Variants in RAI14 observed in about 807,000 individuals in gnomAD.
The protein encoded by RAI14 is retinoic acid induced 14.
RAI14 carries 45 observed loss-of-function variants against 115.4 expected under a neutral mutation model. That is an observed-to-expected ratio of 0.39 (90% CI 0.31 to 0.50). RAI14 has a LOEUF of 0.50. Ranked by LOEUF, RAI14 falls within the 20% of genes least tolerant of loss-of-function variation. The pLI is 0.85. For missense variants in RAI14, 939 were observed against 1,131.2 expected (o/e 0.83, Z 2.44); for synonymous variants, 371 against 415.4 (o/e 0.89, Z 1.30).
At chr5:34,672,390 G>T (rs148749379) in intron 1 of RAI14, among the ~76,000 whole-genome samples, 13 of 151,394 alleles carry the variant, frequency 8.6e-5, no homozygotes, top group African/African-American at 1.9e-4. Flanking sequence ...TGTGGGGTGT[G>T]GGGGGGGAGC....
In RAI14 at chr5:34,766,125, G is replaced by C. The variant is rs114981136; in HGVS notation, c.167+8527G>C. Among the ~76,000 whole-genome samples, 1,294 of 152,318 alleles carry C rather than the reference G, an allele frequency of 8.5e-3. 20 individuals carry two copies. The highest frequency in any genetic ancestry group is 0.03 in the African/African-American group (1,252 of 41,572). Reference sequence around the variant, plus strand: ...CAGGCAGAAGTTTGCTGCAGGGGTGGGGTGCACATGGAGAACCTCTGCTAG... The same window carrying C: ...CAGGCAGAAGTTTGCTGCAGGGGTGCGGTGCACATGGAGAACCTCTGCTAG... On this transcript the variant is annotated intron_variant, in intron 3 of 17. Transcript: ENST00000265109.
chr5:34,794,126 T>C (rs1432127861), intron 3 of RAI14, among the ~76,000 whole-genome samples: 3 of 152,166 alleles, frequency 2.0e-5, no homozygotes, highest in Non-Finnish European at 4.4e-5. Context: ...GAATTCCATT[T>C]AAACAAGTCA....
At chr5:34,660,673 T>G (rs1033391169) in intron 1 of RAI14, among the ~76,000 whole-genome samples, 10 of 152,140 alleles carry the variant, frequency 6.6e-5, no homozygotes, top group Non-Finnish European at 1.0e-4. Context: ...AATGTTGCTG[T>G]GTTAGTGACG....
At chr5:34,801,041 A>T (rs1383191166) in intron 4 of RAI14, among the ~76,000 whole-genome samples, 2 of 152,242 alleles carry the variant, frequency 1.3e-5, no homozygotes, top group Non-Finnish European at 2.9e-5. Context: ...TTAATGCATC[A>T]TGTAACTAAA....
intron 3 of RAI14, among the ~76,000 whole-genome samples, chr5:34,787,550 A>G (rs1236562119): frequency 6.6e-6 from 1 of 152,188 alleles, no homozygotes; most frequent in African/African-American, 2.4e-5. Flanking sequence ...AATCCATAGA[A>G]ACTGGAAGTA....
intron 3 of RAI14, among the ~76,000 whole-genome samples, chr5:34,795,113 T>C (rs1470653313): frequency 6.6e-6 from 1 of 152,216 alleles, no homozygotes; most frequent in East Asian, 1.9e-4. Flanking sequence ...GCTTTGCTTC[T>C]TTCTGCATGC....
At chr5:34,747,328 A>G (rs1048562625) in intron 2 of RAI14, among the ~76,000 whole-genome samples, 2 of 152,230 alleles carry the variant, frequency 1.3e-5, no homozygotes. Context: ...CGCACTGTAC[A>G]TTTTAATTTT....
chr5:34,808,272 T>TGTC (rs1755160207), intron 6 of RAI14, among the ~76,000 whole-genome samples: 1 of 152,252 alleles, frequency 6.6e-6, no homozygotes, highest in South Asian at 2.1e-4. Flanking sequence ...GACACTGAAC[T>TGTC]ATGAGTGATT....
chr5:34,679,513 G>T (rs562413512), intron 1 of RAI14, among the ~76,000 whole-genome samples: 4 of 151,322 alleles, frequency 2.6e-5, no homozygotes, highest in South Asian at 2.1e-4. Flanking sequence ...GTTGATTTGT[G>T]GGGGGAATCC....
intron 3 of RAI14, among the ~76,000 whole-genome samples, chr5:34,771,675 A>G (rs1750174605): frequency 6.6e-6 from 1 of 152,164 alleles, no homozygotes; most frequent in African/African-American, 2.4e-5. Context: ...GAAGGTTTGC[A>G]CAACTTGTTG....
At chr5:34,687,197 G>T (rs1013793834) in intron 2 of RAI14, among the ~76,000 whole-genome samples, 4 of 152,126 alleles carry the variant, frequency 2.6e-5, no homozygotes, top group Non-Finnish European at 4.4e-5. Flanking sequence ...TCTGTGCCTT[G>T]TAGAGAAAGG....
chr5:34,684,007 G>T (rs1277634964), intron 1 of RAI14, among the ~76,000 whole-genome samples: 2 of 152,178 alleles, frequency 1.3e-5, no homozygotes, highest in Non-Finnish European at 2.9e-5. Context: ...GATTACAGGC[G>T]TGAGCCACCG....
At chr5:34,752,727 G>GTATATATATA (rs1462269667) in intron 2 of RAI14, among the ~76,000 whole-genome samples, 3 of 86,720 alleles carry the variant, frequency 3.5e-5, no homozygotes, top group Admixed American at 1.1e-4. Context: ...GTGTGTGTGT[G>GTATATATATA]TGTGTGTGTG....
At chr5:34,717,591 C>T (rs1742153843) in intron 2 of RAI14, among the ~76,000 whole-genome samples, 1 of 151,976 alleles carries the variant, frequency 6.6e-6, no homozygotes, top group Non-Finnish European at 1.5e-5. Flanking sequence ...ACGTGTAGTC[C>T]CTGAGCAAGG....
At chr5:34,778,258 C>G (rs1751137019) in intron 3 of RAI14, among the ~76,000 whole-genome samples, 1 of 152,194 alleles carries the variant, frequency 6.6e-6, no homozygotes, top group African/African-American at 2.4e-5. Flanking sequence ...AGCTCGGGAT[C>G]TTGTAAATGC....
intron 2 of RAI14, among the ~76,000 whole-genome samples, chr5:34,742,955 C>G (rs1745709202): frequency 6.6e-6 from 1 of 152,208 alleles, no homozygotes; most frequent in Admixed American, 6.5e-5. Flanking sequence ...AGCCACTGTG[C>G]CCAGCCTGCT....
At chr5:34,795,234 GT>G (rs1206361497) in intron 3 of RAI14, among the ~76,000 whole-genome samples, 4 of 152,200 alleles carry the variant, frequency 2.6e-5, no homozygotes, top group Non-Finnish European at 5.9e-5. Flanking sequence ...GTGCTCCCAA[GT>G]TTCACTGAGT....
At chr5:34,813,716 T>C (rs1042649922) in intron 11 of RAI14, 56 bp downstream of exon 11, 4 of 1,432,128 alleles carry the variant, frequency 2.8e-6, no homozygotes, top group Non-Finnish European at 3.9e-6. Context: ...AGCCATAAAT[T>C]TGTCATTTTG....
chr5:34,763,240 A>G (rs1160499958), intron 3 of RAI14, among the ~76,000 whole-genome samples: 1 of 152,080 alleles, frequency 6.6e-6, no homozygotes, highest in Non-Finnish European at 1.5e-5. Flanking sequence ...ATCGAGTTAT[A>G]CCACCTGATC....
Sources: allele counts gnomAD v4.1 joint callset (sites outside exome capture counted in the v4.1 genomes callset), GRCh38; gene constraint gnomAD v4.1.1; transcripts MANE v1.5; gene names NCBI Gene and HGNC (gene_info 2026-07-23, HGNC 2026-07-21).